The following NECTIN1 variants were observed in gnomAD, a reference collection of about 807,000 sequenced individuals.
The protein encoded by NECTIN1 is nectin cell adhesion molecule 1.
Under a neutral mutation model 48.0 loss-of-function variants are expected in NECTIN1, and 23 were observed. The observed-to-expected ratio is 0.48, with a 90% confidence interval of 0.34 to 0.68. The LOEUF is 0.68. NECTIN1 is among the 30% of genes least tolerant of loss of function. NECTIN1 has a pLI of 0.01. For synonymous variants in NECTIN1, 270 were observed against 288.9 expected, an observed-to-expected ratio of 0.93 and a Z score of 0.66; for missense variants, 591 against 709.9, an observed-to-expected ratio of 0.83 and a Z score of 1.90.
At chr11:119,644,341 G>A (rs1287289551) in intron 5 of NECTIN1, among the ~76,000 whole-genome samples, 4 of 152,184 alleles carry the variant, frequency 2.6e-5, no homozygotes, top group African/African-American at 9.7e-5. Flanking sequence ...TGGTTTGGGA[G>A]CCCGAGGAGC....
rs1864664347 is a variant in NECTIN1 at position 119,661,505 on chromosome 11, C to T, written c.*3242G>A. On this transcript the variant is annotated 3_prime_UTR_variant, in exon 6 of 6. Coordinates refer to ENST00000264025, the MANE Select transcript of NECTIN1 (RefSeq NM_002855.5). The stretch of plus-strand genomic sequence containing the variant: ...GTTGGCAGTCAGGCTTTGGGGGTCT[C>T]TGTCTGGACTCCTGAGGCCTGGGAG... 2.0e-6 allele frequency: 2 copies of T among 985,806 alleles called. No homozygotes were observed. The highest frequency in any genetic ancestry group is 2.4e-6 in the Non-Finnish European group (2 of 830,024). 61.1% of individuals were successfully genotyped at this position (985,806 alleles called of 1,614,324 possible).
intron 5 of NECTIN1, among the ~76,000 whole-genome samples, chr11:119,650,152 C>T (rs1864467730): frequency 6.6e-6 from 1 of 152,150 alleles, no homozygotes; most frequent in South Asian, 2.1e-4. Flanking sequence ...GAAGGAATTT[C>T]ACAAGACAAT....
intron 1 of NECTIN1, among the ~76,000 whole-genome samples, chr11:119,722,795 C>T (rs1450770222): frequency 3.9e-5 from 6 of 152,338 alleles, no homozygotes; most frequent in African/African-American, 1.4e-4. Context: ...GAGTAGCAGA[C>T]TCAGAGGGGC....
In NECTIN1 at chr11:119,662,852, G is replaced by A. The variant is rs1252980814; in HGVS notation, c.*1895C>T. 3.0e-6 allele frequency: 3 copies of A among 986,022 alleles called. No homozygotes were observed. The highest frequency in any genetic ancestry group is 3.6e-6 in the Non-Finnish European group (3 of 830,122). The allele number at this position is 986,022 out of a possible 1,614,324, so 61.1% of individuals were successfully genotyped here. A position where few individuals can be genotyped will look rare whatever the true frequency, so the allele number is the denominator to read the frequency against. Reference sequence around the variant, plus strand: ...TCCAGTACCCCAAATGTGTAGAGGGGAGAGCCGCACCAGGGCTGGCATGGC... The same window carrying A: ...TCCAGTACCCCAAATGTGTAGAGGGAAGAGCCGCACCAGGGCTGGCATGGC... On this transcript the variant is annotated 3_prime_UTR_variant, in exon 6 of 6. Transcript: ENST00000264025. The surrounding 1 kb of genome is among the most constrained non-coding windows in gnomAD (Gnocchi z 5.3).
chr11:119,638,106 A>C (rs1864263652), exon 8 of NECTIN1: 8 of 1,611,902 alleles, frequency 5.0e-6, no homozygotes, highest in African/African-American at 2.7e-5. Context: ...GGCTAGGGGC[A>C]CTCTCCTCGA....
intron 1 of NECTIN1, among the ~76,000 whole-genome samples, chr11:119,680,879 T>C (rs1028057599): frequency 6.6e-6 from 1 of 152,222 alleles, no homozygotes; most frequent in East Asian, 1.9e-4. Flanking sequence ...GGGAATACGA[T>C]GGGAGAAGTA....
At chr11:119,640,267 A>T (rs1156929188) in intron 5 of NECTIN1, 1 of 552,146 alleles carries the variant, frequency 1.8e-6, no homozygotes, top group Non-Finnish European at 3.3e-6. Context: ...TGGAGGTAGA[A>T]CAAGGGTGAG....
rs922452942 is a variant in NECTIN1, at chr11:119,683,993, C to T, written c.80-5228G>A. Among the ~76,000 whole-genome samples the T allele has an allele frequency of 2.4e-4, 36 of 152,308 alleles. No homozygotes were observed. The highest frequency in any genetic ancestry group is 8.2e-4 in the African/African-American group (34 of 41,582). The stretch of plus-strand genomic sequence containing the variant: ...AGCTCAGCAACAAAACACAAAGACT[C>T]CTCAGTTGTGGCGGACAAACCTGCT... On this transcript the variant is annotated intron_variant, in intron 1 of 5. Transcript: ENST00000264025. This position sits in a 1 kb window ranked among gnomAD's most constrained non-coding sequence, Gnocchi z 4.0.
intron 1 of NECTIN1, among the ~76,000 whole-genome samples, chr11:119,704,696 C>T (rs946482481): frequency 6.6e-6 from 1 of 152,054 alleles, no homozygotes; most frequent in Non-Finnish European, 1.5e-5. Context: ...AATGAGTCTC[C>T]ATCTCCTCCG....
chr11:119,707,555 G>A (rs1266376194), intron 1 of NECTIN1, among the ~76,000 whole-genome samples: 2 of 152,072 alleles, frequency 1.3e-5, no homozygotes, highest in East Asian at 1.9e-4. Flanking sequence ...AACTGCCCAT[G>A]TAGGCAGTTC....
At chr11:119,671,123 T>C (rs1032785855) in intron 5 of NECTIN1, among the ~76,000 whole-genome samples, 3 of 150,864 alleles carry the variant, frequency 2.0e-5, no homozygotes, top group Non-Finnish European at 2.9e-5. Context: ...AGGAGAAGCA[T>C]GGGGATCTAA....
At chr11:119,676,864 A>G (rs1864959436) in intron 4 of NECTIN1, 1 of 568,226 alleles carries the variant, frequency 1.8e-6, no homozygotes. Flanking sequence ...CAGATCACAA[A>G]GGAAACCCCT....
chr11:119,658,045 G>C (rs1296614070), downstream of NECTIN1, among the ~76,000 whole-genome samples: 1 of 152,116 alleles, frequency 6.6e-6, no homozygotes, highest in African/African-American at 2.4e-5. Flanking sequence ...TGTAGCCTGG[G>C]TTAAGTTCTC....
intron 1 of NECTIN1, among the ~76,000 whole-genome samples, chr11:119,691,766 T>C (rs1386571895): frequency 6.6e-6 from 1 of 152,172 alleles, no homozygotes; most frequent in African/African-American, 2.4e-5. Context: ...CTCATTTGGT[T>C]GGAGGGAGAG....
intron 1 of NECTIN1, among the ~76,000 whole-genome samples, 187 bp downstream of exon 1, chr11:119,728,288 C>A (rs1865950359): frequency 6.6e-6 from 1 of 152,258 alleles, no homozygotes; most frequent in African/African-American, 2.4e-5. Flanking sequence ...TGCTTCCCTG[C>A]AGGGCAGGCG....
intron 5 of NECTIN1, among the ~76,000 whole-genome samples, chr11:119,646,335 G>A (rs1017728759): frequency 3.3e-5 from 5 of 152,170 alleles, no homozygotes; most frequent in African/African-American, 1.2e-4. Flanking sequence ...AGTACAGTGC[G>A]TGGCACATAG....
chr11:119,720,813 C>A (rs1183684811), intron 1 of NECTIN1, among the ~76,000 whole-genome samples: 1 of 152,124 alleles, frequency 6.6e-6, no homozygotes, highest in African/African-American at 2.4e-5. Flanking sequence ...GTGGGAAGAA[C>A]CACAAGATGG....
At chr11:119,708,341 G>A (rs559467004) in intron 1 of NECTIN1, among the ~76,000 whole-genome samples, 1 of 152,286 alleles carries the variant, frequency 6.6e-6, no homozygotes, top group South Asian at 2.1e-4. Context: ...GGAATACAGG[G>A]TGAATGGAAA....
chr11:119,718,774 A>G (rs1461464212), intron 1 of NECTIN1, among the ~76,000 whole-genome samples: 1 of 152,222 alleles, frequency 6.6e-6, no homozygotes. Context: ...TGGCACAGCC[A>G]CATGAATACT....
Sources: gnomAD v4.1 joint callset for allele counts (sites outside exome capture counted in the v4.1 genomes callset) on GRCh38, gnomAD v4.1.1 for gene constraint, Gnocchi (gnomAD v3.1) non-coding constraint, MANE v1.5 for transcripts, NCBI Gene and HGNC (gene_info 2026-07-23, HGNC 2026-07-21) for gene names.